Variants in ANK2 observed in about 807,000 individuals in gnomAD.
ANK2 encodes the protein ankyrin 2, also known as ankyrin-2.
A neutral mutation model predicts 360.5 loss-of-function variants in ANK2; 83 were observed. The ratio of observed to expected loss-of-function variants is 0.23; its 90% CI spans 0.19 to 0.28. The LOEUF (loss-of-function observed/expected upper bound fraction) is 0.28, where lower values mean the gene tolerates loss of function less well. Among genes scored for constraint, ANK2 ranks in the 10% least tolerant of loss-of-function variants. The pLI, the probability that ANK2 is intolerant of heterozygous loss-of-function variation, is 1.00. For synonymous variants in ANK2, 1,740 were observed against 1,759.5 expected, an observed-to-expected ratio of 0.99 and a Z score of 0.28; for missense variants, 4,201 against 4,795.7, an observed-to-expected ratio of 0.88 and a Z score of 3.66.
chr4:112,889,626 A>G (rs974114503), intron 1 of ANK2, among the ~76,000 whole-genome samples: 27 of 151,884 alleles, frequency 1.8e-4, no homozygotes, highest in African/African-American at 5.3e-4. Context: ...TCTACTTTAC[A>G]AATTAATGTG....
chr4:112,911,067 C>T (rs2087078173), intron 2 of ANK2, among the ~76,000 whole-genome samples: 1 of 150,766 alleles, frequency 6.6e-6, no homozygotes, highest in Non-Finnish European at 1.5e-5. Flanking sequence ...AAGCAATTCT[C>T]CTGCCTCAGC....
the ANK2 span, among the ~76,000 whole-genome samples, chr4:112,800,235 A>G: frequency 6.6e-6 from 1 of 152,224 alleles, no homozygotes; most frequent in African/African-American, 2.4e-5. Flanking sequence ...GGCCAATTAA[A>G]GTATCCTTTA....
intron 14 of ANK2, among the ~76,000 whole-genome samples, chr4:113,267,988 A>G (rs1378431085): frequency 1.3e-5 from 2 of 152,096 alleles, no homozygotes; most frequent in Admixed American, 1.3e-4. Context: ...TTGTATTCCT[A>G]GGTATTTTAT....
chr4:113,116,798 C>T (rs187372360), intron 1 of ANK2, among the ~76,000 whole-genome samples: 7 of 152,260 alleles, frequency 4.6e-5, no homozygotes, highest in Non-Finnish European at 7.4e-5. Flanking sequence ...AATAAACTAC[C>T]CACCCCCTAG....
At chr4:112,940,136 G>A (rs374459359) in intron 2 of ANK2, among the ~76,000 whole-genome samples, 10 of 152,232 alleles carry the variant, frequency 6.6e-5, no homozygotes, top group East Asian at 5.8e-4. Context: ...GTCATCTCGC[G>A]TTTCCATTGC....
rs535294632 is a variant in ANK2, at chr4:112,915,432, G to A, written c.21+10918G>A. Among the ~76,000 whole-genome samples the A allele has an allele frequency of 1.1e-4, 17 of 152,260 alleles. No homozygotes were observed. In the East Asian group the frequency reaches 2.3e-3, roughly 21 times the overall value. On this transcript the variant is annotated intron_variant, in intron 2 of 30. Coordinates refer to the ANK2 transcript ENST00000503271. Reference sequence around the variant, plus strand: ...AATGGGGTCTATTTTAAATTTTAAAGACTGGTAGCAAGATAGTATGAATTA... The same window carrying A: ...AATGGGGTCTATTTTAAATTTTAAAAACTGGTAGCAAGATAGTATGAATTA...
the ANK2 span, among the ~76,000 whole-genome samples, chr4:112,710,539 T>C: frequency 3.3e-5 from 5 of 151,830 alleles, no homozygotes; most frequent in African/African-American, 1.2e-4. Flanking sequence ...CTACTATGAA[T>C]ACAAAAAAAT....
the ANK2 span, among the ~76,000 whole-genome samples, chr4:112,747,524 A>T: frequency 6.6e-6 from 1 of 152,154 alleles, no homozygotes; most frequent in Non-Finnish European, 1.5e-5. Flanking sequence ...TCTCCTAGGA[A>T]CTCTTGAGCT....
At chr4:112,842,943 A>T (rs1046665054) in intron 1 of ANK2, among the ~76,000 whole-genome samples, 2 of 152,200 alleles carry the variant, frequency 1.3e-5, no homozygotes, top group Admixed American at 6.5e-5. Context: ...TCTAGGGAGA[A>T]TCTGTTTTCT....
At chr4:113,200,061 C>G (rs768847715) in intron 4 of ANK2, among the ~76,000 whole-genome samples, 2 of 152,158 alleles carry the variant, frequency 1.3e-5, no homozygotes, top group Non-Finnish European at 2.9e-5. Context: ...TGGGAAAAAT[C>G]TGTTGAAATT....
At chr4:113,369,390 A>G in intron 42 of ANK2, 124 bp from the exon 43 acceptor site, 4 of 1,040,848 alleles carry the variant, frequency 3.8e-6, no homozygotes, top group Non-Finnish European at 4.4e-6. Context: ...CCAAATGTAC[A>G]AAAACTATTT....
At chr4:113,097,283 A>T (rs1336642823) in intron 1 of ANK2, among the ~76,000 whole-genome samples, 2 of 151,550 alleles carry the variant, frequency 1.3e-5, no homozygotes, top group African/African-American at 4.9e-5. Flanking sequence ...TTTTTTTCTG[A>T]TAGATCTCTG....
At chr4:113,231,327 C>T (rs1475061207) in intron 4 of ANK2, among the ~76,000 whole-genome samples, 2 of 152,158 alleles carry the variant, frequency 1.3e-5, no homozygotes, top group African/African-American at 4.8e-5. Context: ...GCTGGGATTA[C>T]AGGCGTGAGC....
the ANK2 span, among the ~76,000 whole-genome samples, chr4:112,799,809 C>T: frequency 2.1e-4 from 31 of 144,910 alleles, no homozygotes; most frequent in African/African-American, 5.9e-4. Context: ...TGAGCCACCG[C>T]GCCCAGCCCA....
the ANK2 span, among the ~76,000 whole-genome samples, chr4:112,790,522 C>A: frequency 7.8e-6 from 1 of 127,890 alleles, no homozygotes; most frequent in Non-Finnish European, 1.6e-5. Context: ...GAGTTTTGCT[C>A]TGTCGCCCAG....
Position 113,357,522 on chromosome 4 carries a change from T to G in ANK2, c.8904T>G (p.Val2968=), listed in dbSNP as rs1345490495. The G allele has an allele frequency of 6.2e-7, 1 of 1,614,158 alleles. No homozygotes were observed. The highest frequency in any genetic ancestry group is 8.5e-7 in the Non-Finnish European group (1 of 1,179,994). The change falls in exon 38 of 46, where the codon GTT becomes GTG. Residue 2968 remains valine (V), a synonymous_variant. Transcript: ENST00000357077. The stretch of plus-strand genomic sequence containing the variant: ...ATTCTGTTACCATCACATCCCCTGT[T>G]GAAGACGTTGTAGTGGCAAGCTCCT... ...EVYSVTITSP[V]EDVVVASSSS...
intron 34 of ANK2, 144 bp downstream of exon 34, chr4:113,343,286 G>C (rs1210348155): frequency 3.4e-6 from 3 of 879,120 alleles, no homozygotes; most frequent in Non-Finnish European, 3.4e-6. Flanking sequence ...ACAGCCCTGG[G>C]AAACAAATCA....
At chr4:112,813,566 C>T (rs906099531), upstream of ANK2, among the ~76,000 whole-genome samples, 9 of 151,810 alleles carry the variant, frequency 5.9e-5, no homozygotes, top group Non-Finnish European at 1.0e-4. Context: ...GACAGGGTCT[C>T]ACTCTGCCAC....
At chr4:112,950,622 T>C (rs1364979246) in intron 2 of ANK2, among the ~76,000 whole-genome samples, 19 of 133,794 alleles carry the variant, frequency 1.4e-4, no homozygotes, top group East Asian at 4.5e-4. Flanking sequence ...CCAGCCTGGG[T>C]GACAGAGCGA....
Sources: gnomAD v4.1 joint callset for allele counts (sites outside exome capture counted in the v4.1 genomes callset) on GRCh38, gnomAD v4.1.1 for gene constraint, MANE v1.5 for transcripts, NCBI Gene and HGNC (gene_info 2026-07-23, HGNC 2026-07-21) for gene names.